Variants in PCDHA5 observed in about 807,000 individuals in gnomAD.
PCDHA5 encodes the protein protocadherin alpha-5.
PCDHA5 carries 43 observed loss-of-function variants against 61.6 expected under a neutral mutation model. The observed-to-expected ratio is 0.70, with a 90% CI of 0.55 to 0.90. PCDHA5 has a LOEUF of 0.90. Ranked by LOEUF, PCDHA5 falls within the 40% of genes least tolerant of loss-of-function variation. PCDHA5 has a pLI of 0.00. For missense variants in PCDHA5, 1,298 were observed against 1,222.7 expected (o/e 1.06, Z -0.92); for synonymous variants, 627 against 543.9 (o/e 1.15, Z -2.13).
chr5:140,877,266 C>T, intron 1 of PCDHA5: 1 of 1,613,808 alleles, frequency 6.2e-7, no homozygotes, highest in Non-Finnish European at 8.5e-7. Flanking sequence ...GCGCGGTGGA[C>T]GCTGACTCCG....
At chr5:140,870,534 G>C (rs547039725) in intron 1 of PCDHA5, 2 of 1,614,032 alleles carry the variant, frequency 1.2e-6, no homozygotes, top group Non-Finnish European at 1.7e-6. Flanking sequence ...TCACAGTGTC[G>C]GCGCGGGACG....
At chr5:140,967,481 G>C (rs1554229603) in intron 1 of PCDHA5, 2 of 1,613,426 alleles carry the variant, frequency 1.2e-6, no homozygotes, top group Admixed American at 1.7e-5. Flanking sequence ...AGCCCGCTCG[G>C]GTACGGCACA....
intron 1 of PCDHA5, among the ~76,000 whole-genome samples, chr5:140,918,322 A>G (rs538027862): frequency 1.1e-4 from 16 of 152,220 alleles, no homozygotes; most frequent in African/African-American, 2.6e-4. Context: ...GTATAAAATT[A>G]TATTGTCTGC....
In PCDHA5 at chr5:140,835,453, TC is replaced by T. The variant is rs1554134997; in HGVS notation, c.2352+11329del. 1.9e-6 allele frequency: 3 copies of T among 1,613,816 alleles called. No homozygotes were observed. The Admixed American group carries it at 5.0e-5, about 27-fold the overall frequency. ...CAGTTGACTCTCACTTCCCTGTCTC[TC>T]CCTATTCCAGAGGACGCCCAACCAG... On this transcript the variant is annotated intron_variant, in intron 1 of 3. Transcript: ENST00000529859.
At chr5:140,982,617 G>T in intron 3 of PCDHA5, 54 bp downstream of exon 3, 1 of 1,591,926 alleles carries the variant, frequency 6.3e-7, no homozygotes, top group South Asian at 1.1e-5. Context: ...GTGATCAGAT[G>T]ACCTACTTTT....
At chr5:140,850,349 G>C (rs1554144220) in intron 1 of PCDHA5, 1 of 1,597,844 alleles carries the variant, frequency 6.3e-7, no homozygotes, top group South Asian at 1.1e-5. Flanking sequence ...CGGCCAGCGC[G>C]AGCATCCCGT....
chr5:140,997,334 C>G (rs2097767888), intron 3 of PCDHA5, among the ~76,000 whole-genome samples: 3 of 152,098 alleles, frequency 2.0e-5, no homozygotes, highest in Admixed American at 2.0e-4. Flanking sequence ...TTTCGTTGTA[C>G]AAATATCATA....
Position 140,821,990 on chromosome 5 carries a change from A to G in PCDHA5, c.215A>G (p.Asp72Gly), listed in dbSNP as rs1006572765. 3.2e-5 allele frequency: 52 copies of G among 1,613,966 alleles called. No homozygotes were observed. Among genetic ancestry groups the G allele is most frequent in the Admixed American group, 3.2e-4 (19 of 59,998 alleles). ...LFRVASKGRG[D>G]LLEVNLQNGI... Reference sequence around the variant, plus strand: ...CGGGTGGCGTCCAAGGGCCGCGGGGACCTTCTGGAGGTAAATCTGCAGAAT... The same window carrying G: ...CGGGTGGCGTCCAAGGGCCGCGGGGGCCTTCTGGAGGTAAATCTGCAGAAT... Residue 72 changes from aspartate (D) to glycine (G), a missense_variant, in exon 1 of 4, where the codon GAC (aspartate) becomes GGC (glycine). Coordinates refer to ENST00000529859, the MANE Select transcript of PCDHA5 (RefSeq NM_018908.3).
intron 1 of PCDHA5, chr5:140,856,834 G>T (rs2044233104): frequency 6.3e-7 from 1 of 1,591,808 alleles, no homozygotes; most frequent in Non-Finnish European, 8.6e-7. Context: ...TAGTAATACG[G>T]CTCAACGCTT....
intron 1 of PCDHA5, chr5:140,927,627 T>G (rs145171269): frequency 6.2e-7 from 1 of 1,614,180 alleles, no homozygotes; most frequent in Non-Finnish European, 8.5e-7. Context: ...TTCCAGAGAC[T>G]GCACCCAATG....
rs562721543 is a variant in PCDHA5, at chr5:140,968,426, A to G, written c.2353-10523A>G. ...CTTTGTGACTGTGGAGGCTCAGGAC[A>G]AGGGGAGCCCACCACTGAGCAGCAC... On this transcript the variant is annotated intron_variant, in intron 1 of 3. Transcript: ENST00000529859. 135 of 1,614,020 alleles carry G rather than the reference A, an allele frequency of 8.4e-5. 2 individuals carry two copies. In the South Asian group the frequency reaches 1.4e-3, roughly 16 times the overall value.
chr5:140,916,747 G>A (rs1445361224), intron 1 of PCDHA5, among the ~76,000 whole-genome samples: 1 of 152,220 alleles, frequency 6.6e-6, no homozygotes, highest in Non-Finnish European at 1.5e-5. Context: ...TTCACTGCCT[G>A]GGATTAGGGG....
At chr5:140,829,796 C>T (rs201762893) in intron 1 of PCDHA5, 5 of 1,613,774 alleles carry the variant, frequency 3.1e-6, no homozygotes, top group African/African-American at 2.7e-5. Flanking sequence ...GCTGGCGCCT[C>T]GGGTGGGTGG....
chr5:140,966,690 G>T, intron 1 of PCDHA5: 1 of 1,349,568 alleles, frequency 7.4e-7, no homozygotes, highest in Non-Finnish European at 9.5e-7. Context: ...AGCGGAGGCG[G>T]GGCCCGGGCG....
At chr5:140,948,764 G>T (rs962710607) in intron 1 of PCDHA5, among the ~76,000 whole-genome samples, 1 of 150,728 alleles carries the variant, frequency 6.6e-6, no homozygotes, top group African/African-American at 2.4e-5. Flanking sequence ...GATTTTTTTC[G>T]AATAGCCAGC....
rs2150121787 is a variant in PCDHA5 at position 140,823,059 on chromosome 5, C to T, written c.1284C>T (p.Asp428=). The change falls in exon 1 of 4, where the codon GAC becomes GAT. Residue 428 remains aspartate (D), a synonymous_variant. Transcript: ENST00000529859. ...ATGAGCTGGTGGTGACCGCGCGGGA[C>T]GGGGGCTCGCCTTCGCTGTGGGCCA... ...SVYELVVTAR[D]GGSPSLWATA... 6.2e-7 allele frequency: 1 copy of T among 1,614,128 alleles called. No homozygotes were observed. Among genetic ancestry groups the T allele is most frequent in the Non-Finnish European group, 8.5e-7 (1 of 1,180,050 alleles).
intron 1 of PCDHA5, chr5:140,834,738 G>A (rs2150225260): frequency 5.6e-6 from 9 of 1,614,242 alleles, no homozygotes; most frequent in Non-Finnish European, 7.6e-6. Context: ...GGTTTTCCAT[G>A]TGGACGTGGA....
chr5:140,914,944 C>CTTT (rs35695909), intron 1 of PCDHA5, among the ~76,000 whole-genome samples: 2 of 128,266 alleles, frequency 1.6e-5, no homozygotes, highest in Non-Finnish European at 3.3e-5. Context: ...GAAAAGTTGT[C>CTTT]TTTTTTTTTT....
intron 1 of PCDHA5, chr5:140,858,297 A>T: frequency 1.3e-6 from 2 of 1,597,406 alleles, no homozygotes; most frequent in Non-Finnish European, 1.7e-6. Context: ...TCTTACTCGC[A>T]GCAGAGGCGG....
Sources: allele counts gnomAD v4.1 joint callset (sites outside exome capture counted in the v4.1 genomes callset), GRCh38; gene constraint gnomAD v4.1.1; transcripts MANE v1.5; gene names NCBI Gene and HGNC (gene_info 2026-07-23, HGNC 2026-07-21).